CIT: variants seen among roughly 807,000 people sequenced by gnomAD.
CIT encodes the protein citron Rho-interacting kinase.
A neutral mutation model predicts 272.7 loss-of-function variants in CIT; 79 were observed. The observed-to-expected ratio is 0.29, with a 90% confidence interval of 0.24 to 0.35. The LOEUF is 0.35. Among genes scored for constraint, CIT ranks in the 10% least tolerant of loss-of-function variants. The pLI is 1.00. For missense variants in CIT, 1,909 were observed against 2,618.3 expected (o/e 0.73, Z 5.91); for synonymous variants, 948 against 995.6 (o/e 0.95, Z 0.90).
intron 19 of CIT, among the ~76,000 whole-genome samples, chr12:119,762,643 T>C (rs1961948506): frequency 1.3e-5 from 2 of 152,198 alleles, no homozygotes; most frequent in African/African-American, 4.8e-5. Flanking sequence ...ATGAAATACA[T>C]TTTCAGGATG....
intron 10 of CIT, among the ~76,000 whole-genome samples, chr12:119,801,499 C>T (rs1381549346): frequency 1.3e-5 from 2 of 152,166 alleles, no homozygotes; most frequent in Non-Finnish European, 2.9e-5. Flanking sequence ...CTAACTCCCT[C>T]GAATCCTCCC....
Position 119,721,415 on chromosome 12 carries a change from T to C in CIT, c.3626A>G (p.Lys1209Arg). 1 of 1,610,790 alleles carries C rather than the reference T, an allele frequency of 6.2e-7. No homozygotes were observed. Among genetic ancestry groups the C allele is most frequent in the Non-Finnish European group, 8.5e-7 (1 of 1,177,292 alleles). Residue 1209 changes from lysine to arginine, a missense_variant, in exon 29 of 48, where the codon AAA (lysine) becomes AGA (arginine). By Grantham distance (26) the Lys-to-Arg change is conservative (BLOSUM62 2). Coordinates refer to ENST00000392521, the MANE Select transcript of CIT (RefSeq NM_001206999.2). Reference protein sequence around the residue: ...AKLQQQMDLQKNHIFRLTQGL... With the variant: ...AKLQQQMDLQRNHIFRLTQGL... ...TTGAGTCAGACGGAAAATGTGATTT[T>C]TCTGCAGGTCCATCTGCTGCTGTAA...
At chr12:119,754,756 G>A (rs906902438) in intron 22 of CIT, among the ~76,000 whole-genome samples, 2 of 152,212 alleles carry the variant, frequency 1.3e-5, no homozygotes, top group Admixed American at 6.5e-5. Flanking sequence ...AGAATATAGA[G>A]CCTGAACCTC....
chr12:119,784,716 G>A lies in CIT; in HGVS notation c.1401+244C>T. ...AGCAGACATCTGGCTGGGTCATGCT[G>A]AGAAACGGACTGTTTAAATCCAGGG... On this transcript the variant is annotated intron_variant, in intron 11 of 47. Transcript: ENST00000392521. This position sits in a 1 kb window ranked among gnomAD's most constrained non-coding sequence, Gnocchi z 4.7. 7.4e-7 allele frequency: 1 copy of A among 1,353,556 alleles called. No individual in the cohort carries two copies. The allele number at this position is 1,353,556 out of a possible 1,614,324, so 83.8% of individuals were successfully genotyped here. A position where few individuals can be genotyped will look rare whatever the true frequency, so the allele number is the denominator to read the frequency against.
intron 13 of CIT, among the ~76,000 whole-genome samples, chr12:119,778,409 G>A (rs203367): frequency 7.8e-4 from 119 of 152,250 alleles, no homozygotes; most frequent in Middle Eastern, 3.4e-3. Flanking sequence ...GGGTGAGGAC[G>A]AGAGAGATAC....
chr12:119,739,328 G>A (rs1290831708), intron 24 of CIT, among the ~76,000 whole-genome samples: 1 of 152,178 alleles, frequency 6.6e-6, no homozygotes. Flanking sequence ...AATGGTCTGA[G>A]CTTGAAAATC....
intron 9 of CIT, among the ~76,000 whole-genome samples, chr12:119,808,371 T>C (rs959729194): frequency 6.6e-6 from 1 of 152,192 alleles, no homozygotes; most frequent in Non-Finnish European, 1.5e-5. Flanking sequence ...ATGTTTAATA[T>C]CTATTTTTTA....
intron 3 of CIT, among the ~76,000 whole-genome samples, chr12:119,866,583 C>A (rs1950522380): frequency 6.6e-6 from 1 of 152,054 alleles, no homozygotes; most frequent in African/African-American, 2.4e-5. Flanking sequence ...TTTTGGGAGG[C>A]CAAGGTGGGA....
intron 47 of CIT, among the ~76,000 whole-genome samples, chr12:119,689,037 C>G (rs1425546639): frequency 6.6e-6 from 1 of 151,236 alleles, no homozygotes; most frequent in African/African-American, 2.4e-5. Flanking sequence ...GGGAATCAGA[C>G]AGATGGTGGC....
chr12:119,735,118 A>G, intron 25 of CIT, 42 bp downstream of exon 25: 3 of 1,600,456 alleles, frequency 1.9e-6, no homozygotes, highest in East Asian at 4.5e-5. Flanking sequence ...AATCCTTCTA[A>G]AAGTCCTCCA....
intron 10 of CIT, among the ~76,000 whole-genome samples, chr12:119,794,201 T>C (rs959405288): frequency 1.3e-5 from 2 of 152,174 alleles, no homozygotes; most frequent in African/African-American, 2.4e-5. Flanking sequence ...TGCTAGCTTC[T>C]TGAGAGTAAA....
In CIT at chr12:119,705,771, C is replaced by CAAAAAA. The variant is rs148188101; in HGVS notation, c.5212-1322_5212-1317dup. Among the ~76,000 whole-genome samples the CAAAAAA allele has an allele frequency of 1.9e-4, 9 of 46,620 alleles. No homozygotes were observed. In the East Asian group the frequency reaches 5.2e-3, roughly 27 times the overall value. 30.6% of individuals were successfully genotyped at this position (46,620 alleles called of 152,430 possible). A position where few individuals can be genotyped will look rare whatever the true frequency, so the allele number is the denominator to read the frequency against. On this transcript the variant is annotated intron_variant, in intron 40 of 47. Coordinates refer to ENST00000392521, the MANE Select transcript of CIT (RefSeq NM_001206999.2). ...TGGGTGACAGAGTGAGACTCTGTCT[C>CAAAAAA]AAAAAAAAAAAAAAAAAAAAAAAAA...
At chr12:119,827,425 C>A (rs1487008988) in intron 7 of CIT, among the ~76,000 whole-genome samples, 1 of 137,208 alleles carries the variant, frequency 7.3e-6, no homozygotes. Context: ...TTAAAATGCA[C>A]CAACAATAAC....
intron 13 of CIT, among the ~76,000 whole-genome samples, chr12:119,780,948 A>G (rs1593717725): frequency 6.6e-6 from 1 of 152,326 alleles, no homozygotes; most frequent in South Asian, 2.1e-4. Flanking sequence ...CCACCAACAT[A>G]CACCTTTTCA....
Position 119,775,844 on chromosome 12 carries a change from A to G in CIT, c.1888-5T>C. The G allele has an allele frequency of 6.2e-7, 1 of 1,611,436 alleles. No individual in the cohort carries two copies. The highest frequency in any genetic ancestry group is 8.5e-7 in the Non-Finnish European group (1 of 1,178,462). Reference sequence around the variant, plus strand: ...GAGCTGCTGCTCAGCATTGATCTATAATTAAAATCCCAGGAAATAAAGCAA... The same window carrying G: ...GAGCTGCTGCTCAGCATTGATCTATGATTAAAATCCCAGGAAATAAAGCAA... On this transcript the variant is annotated splice_region_variant and splice_polypyrimidine_tract_variant and intron_variant, in intron 15 of 47. Transcript: ENST00000392521.
At chr12:119,750,793 A>G (rs1237788615) in intron 23 of CIT, among the ~76,000 whole-genome samples, 1 of 145,050 alleles carries the variant, frequency 6.9e-6, no homozygotes, top group African/African-American at 2.6e-5. Context: ...AGATAGATAG[A>G]TAGAGATATA....
chr12:119,800,799 A>T (rs1259533345), intron 10 of CIT, among the ~76,000 whole-genome samples: 1 of 152,232 alleles, frequency 6.6e-6, no homozygotes, highest in Non-Finnish European at 1.5e-5. Flanking sequence ...TTTTGTCAAT[A>T]AAACTGCAGG....
In CIT at chr12:119,713,004, C is replaced by A. The variant is rs896083034; in HGVS notation, c.4579+199G>T. 1.3e-5 allele frequency: 8 copies of A among 618,456 alleles called. No homozygotes were observed. The highest frequency in any genetic ancestry group is 9.2e-5 in the African/African-American group (5 of 54,566). 38.3% of individuals were successfully genotyped at this position (618,456 alleles called of 1,614,324 possible). ...GTGGAATCTTCAGGGCAGCGCCCTGCGGGTTCTTCAGGGGGGAGACCTATA... is the reference window on the plus strand; with the variant it reads ...GTGGAATCTTCAGGGCAGCGCCCTGAGGGTTCTTCAGGGGGGAGACCTATA... On this transcript the variant is annotated intron_variant, in intron 35 of 47. Coordinates refer to ENST00000392521, the MANE Select transcript of CIT (RefSeq NM_001206999.2). The surrounding 1 kb of genome is among the most constrained non-coding windows in gnomAD (Gnocchi z 5.2).
rs1593632231 is a variant in CIT at position 119,760,496 on chromosome 12, A to T, written c.2421+443T>A. On this transcript the variant is annotated intron_variant, in intron 20 of 47. Coordinates refer to ENST00000392521, the MANE Select transcript of CIT (RefSeq NM_001206999.2). ...TTAAAAATTAGGTAAGCATGGGGGC[A>T]TGCACCTGTAGTCTCAGTTACTTGG... Among the ~76,000 whole-genome samples the T allele has an allele frequency of 2.0e-5, 3 of 152,112 alleles. No homozygotes were observed. The South Asian group carries it at 6.2e-4, about 32-fold the overall frequency.
Sources: allele counts gnomAD v4.1 joint callset (sites outside exome capture counted in the v4.1 genomes callset), GRCh38; gene constraint gnomAD v4.1.1; non-coding constraint Gnocchi (gnomAD v3.1); transcripts MANE v1.5; gene names NCBI Gene and HGNC (gene_info 2026-07-23, HGNC 2026-07-21).